The following MPO variants were observed in gnomAD, a reference collection of about 807,000 sequenced individuals.
MPO encodes the protein myeloperoxidase.
MPO carries 57 observed loss-of-function variants against 69.4 expected under a neutral mutation model. That is an observed-to-expected ratio of 0.82 (90% CI 0.66 to 1.02). The LOEUF is 1.02. Ranked by LOEUF, MPO falls within the 50% of genes least tolerant of loss-of-function variation. The probability of loss-of-function intolerance (pLI) is 0.00; values close to 1 mark genes in which losing one functional copy is unlikely to be tolerated. For synonymous variants in MPO, 426 were observed against 417.1 expected (o/e 1.02, Z -0.26); for missense variants, 971 against 1,014.1 (o/e 0.96, Z 0.58).
chr17:58,272,935 C>G lies in MPO; in HGVS notation c.1622-17G>C. 6.2e-7 allele frequency: 1 copy of G among 1,613,714 alleles called. No individual in the cohort carries two copies. Among genetic ancestry groups the G allele is most frequent in the Non-Finnish European group, 8.5e-7 (1 of 1,179,946 alleles). The stretch of plus-strand genomic sequence containing the variant: ...CAATGCCACCTGGGGACCAGAGGAG[C>G]CAGGTCAGGGGAAGTATCTGGCTCA... On this transcript the variant is annotated splice_polypyrimidine_tract_variant and intron_variant, in intron 9 of 11. Transcript: ENST00000225275.
chr17:58,271,690 G>A lies in MPO; in HGVS notation c.1995C>T (p.Ile665=), dbSNP rs141229223. 3.0e-5 allele frequency: 48 copies of A among 1,613,830 alleles called. 1 individual carries two copies. Among genetic ancestry groups the A allele is most frequent in the African/African-American group, 1.6e-4 (12 of 74,944 alleles). ...CCCGGAGCTTCCTGAACTGGGTACC[G>A]ATGATGCAGGCGAGGAGTGGGCCCA... is the stretch of plus-strand genomic sequence containing the variant. ...GRVGPLLACI[I]GTQFRKLRDG... The change falls in exon 11 of 12, where the codon ATC becomes ATT. Residue 665 remains isoleucine (I), a synonymous_variant. Transcript: ENST00000225275.
Position 58,279,156 on chromosome 17 carries a change from TG to T in MPO, c.736del (p.Gln246ArgfsTer188), listed in dbSNP as rs1421375324. On this transcript the variant is annotated frameshift_variant, in exon 6 of 12. Coordinates refer to ENST00000225275, the MANE Select transcript of MPO (RefSeq NM_000250.2). LOFTEE classifies it high-confidence loss of function. ...RFPTDQLTPDQERSLMFMQWG... is the reference protein window; with the variant it reads ...RFPTDQLTPDXERSLMFMQWG... ...TTGCATGAACATGAGTGAGCGCTCC[TG>T]GTCCGGAGTCAGCTGATCAGTGGGG... The T allele has an allele frequency of 6.2e-7, 1 of 1,612,298 alleles. No homozygotes were observed. The highest frequency in any genetic ancestry group is 2.2e-5 in the East Asian group (1 of 44,812).
chr17:58,272,362 C>A (rs1567826846), intron 10 of MPO, among the ~76,000 whole-genome samples: 1 of 152,188 alleles, frequency 6.6e-6, no homozygotes, highest in African/African-American at 2.4e-5. Context: ...GCTAGAGAAC[C>A]TGGCCAGGTT....
Position 58,275,078 on chromosome 17 carries a change from T to C in MPO, c.1365+464A>G, listed in dbSNP as rs2143972329. ...TGGGGTTTCACCGTGTTAGCCAGCA[T>C]GGTCTTGATCTCCTGACCTCGTGAT... On this transcript the variant is annotated intron_variant, in intron 8 of 11. Coordinates refer to ENST00000225275, the MANE Select transcript of MPO (RefSeq NM_000250.2). The surrounding 1 kb of genome is among the most constrained non-coding windows in gnomAD (Gnocchi z 4.1). Among the ~76,000 whole-genome samples, 1 of 152,164 alleles carries C rather than the reference T, an allele frequency of 6.6e-6. No homozygotes were observed. Among genetic ancestry groups the C allele is most frequent in the South Asian group, 2.1e-4 (1 of 4,824 alleles).
rs1178800362 is a variant in MPO, at chr17:58,270,481, G to A, written c.*175C>T. On this transcript the variant is annotated 3_prime_UTR_variant, in exon 12 of 12. Transcript: ENST00000225275. This position sits in a 1 kb window ranked among gnomAD's most constrained non-coding sequence, Gnocchi z 4.1. Reference sequence around the variant, plus strand: ...CCATGTTCAGACAACACACACGCATGAAAAGCCAATTTATATACTTCGCAC... The same window carrying A: ...CCATGTTCAGACAACACACACGCATAAAAAGCCAATTTATATACTTCGCAC... 3.0e-6 allele frequency: 2 copies of A among 674,070 alleles called. No individual in the cohort carries two copies. Among genetic ancestry groups the A allele is most frequent in the African/African-American group, 3.6e-5 (2 of 56,278 alleles). 41.8% of individuals were successfully genotyped at this position (674,070 alleles called of 1,614,324 possible).
intron 6 of MPO, 123 bp from the exon 7 acceptor site, chr17:58,278,268 C>T (rs1249821119): frequency 1.8e-6 from 2 of 1,129,956 alleles, no homozygotes; most frequent in African/African-American, 1.6e-5. Flanking sequence ...CCTCCGGAGG[C>T]CCGAAAGGGA....
chr17:58,271,217 C>T (rs939092987), intron 11 of MPO, among the ~76,000 whole-genome samples: 3 of 152,100 alleles, frequency 2.0e-5, no homozygotes, highest in East Asian at 1.9e-4. Context: ...GTTTATAATT[C>T]GCCCACCCAG....
Position 58,279,223 on chromosome 17 carries a change from C to T in MPO, c.679-9G>A. The stretch of plus-strand genomic sequence containing the variant: ...TTGGAGACCGCGCGAGCCTGCGGGA[C>T]ACGGAGATCAGCTGGCGCCTGGGTC... On this transcript the variant is annotated splice_polypyrimidine_tract_variant and intron_variant, in intron 5 of 11. Coordinates refer to ENST00000225275, the MANE Select transcript of MPO (RefSeq NM_000250.2). The T allele has an allele frequency of 6.3e-7, 1 of 1,594,816 alleles. No individual in the cohort carries two copies. Among genetic ancestry groups the T allele is most frequent in the Middle Eastern group, 1.7e-4 (1 of 6,006 alleles).
At position 58,270,923 on chromosome 17, in the gene MPO, G is replaced by A. The variant is rs1003265878; in HGVS notation, c.2031-60C>T. The A allele has an allele frequency of 2.5e-6, 4 of 1,576,660 alleles. No individual in the cohort carries two copies. Among genetic ancestry groups the A allele is most frequent in the Admixed American group, 1.7e-5 (1 of 59,704 alleles). On this transcript the variant is annotated intron_variant, in intron 11 of 11. Transcript: ENST00000225275. This position sits in a 1 kb window ranked among gnomAD's most constrained non-coding sequence, Gnocchi z 4.1. The stretch of plus-strand genomic sequence containing the variant: ...GGATATTCTGGGCTGGCAGGGCATC[G>A]ATGGGCTTGTGCTGCTCCCAGGATA...
At chr17:58,279,464 G>C (rs1163102880) in intron 4 of MPO, 38 bp from the exon 5 acceptor site, 1 of 1,611,820 alleles carries the variant, frequency 6.2e-7, no homozygotes, top group Non-Finnish European at 8.5e-7. Flanking sequence ...CGGGAGGCTT[G>C]TGGCGTCCGG....
At chr17:58,271,509 C>G (rs1970363844) in intron 11 of MPO, 146 bp downstream of exon 11, 1 of 832,746 alleles carries the variant, frequency 1.2e-6, no homozygotes, top group Admixed American at 2.0e-5. Context: ...AGGGGCACTC[C>G]AGGGCATCTG....
chr17:58,272,638 A>G (rs968278906), intron 10 of MPO, 110 bp downstream of exon 10: 3 of 1,304,824 alleles, frequency 2.3e-6, no homozygotes, highest in African/African-American at 2.9e-5. Flanking sequence ...AAGTGCCTCT[A>G]ATATGCTTTG....
Position 58,277,941 on chromosome 17 carries a change from C to T in MPO, c.1090G>A (p.Ala364Thr), listed in dbSNP as rs373801250. ...RNMSNQLGLL[A>T]VNQRFQDNGR... ...TTGTCTTGGAAGCGCTGGTTGACGG[C>T]CAGCAGCCCCAGCTGGTTGGACATG... is the stretch of plus-strand genomic sequence containing the variant. The change falls in exon 7 of 12, where the codon GCC becomes ACC. Residue 364 changes from alanine (A) to threonine (T), a missense_variant. Physicochemically the swap from Ala to Thr is moderately conservative, Grantham distance 58. Coordinates refer to ENST00000225275, the MANE Select transcript of MPO (RefSeq NM_000250.2). 6.8e-6 allele frequency: 11 copies of T among 1,612,996 alleles called. No homozygotes were observed. Among genetic ancestry groups the T allele is most frequent in the Non-Finnish European group, 9.3e-6 (11 of 1,180,042 alleles).
At position 58,279,162 on chromosome 17, in the gene MPO, G is replaced by A; in HGVS notation, c.731C>T (p.Pro244Leu). Residue 244 changes from proline to leucine, a missense_variant, in exon 6 of 12, where the codon CCG becomes CTG. Physicochemically the swap from Pro to Leu is moderately conservative, Grantham distance 98. Transcript: ENST00000225275. ...IVRFPTDQLT[P>L]DQERSLMFMQ... ...GAACATGAGTGAGCGCTCCTGGTCC[G>A]GAGTCAGCTGATCAGTGGGGAAGCG... The A allele has an allele frequency of 1.2e-6, 2 of 1,611,896 alleles. No individual in the cohort carries two copies. The highest frequency in any genetic ancestry group is 1.7e-6 in the Non-Finnish European group (2 of 1,179,088).
chr17:58,279,775 G>A lies in MPO; in HGVS notation c.424+64C>T, dbSNP rs528678354. ...GAAGTTGAGGGGATCACTGAGAGAC[G>A]GCTGGGGTCCCTAGGAGGAGTCACT... On this transcript the variant is annotated intron_variant, in intron 3 of 11. Transcript: ENST00000225275. The A allele has an allele frequency of 4.7e-5, 76 of 1,612,664 alleles. 1 individual carries two copies. The South Asian group carries it at 7.3e-4, about 15-fold the overall frequency.
In MPO at chr17:58,271,760, A is replaced by G; in HGVS notation, c.1925T>C (p.Ile642Thr). 6.2e-7 allele frequency: 1 copy of G among 1,614,058 alleles called. No individual in the cohort carries two copies. The highest frequency in any genetic ancestry group is 2.2e-5 in the East Asian group (1 of 44,884). Reference protein sequence around the residue: ...EQYGTPNNIDIWMGGVSEPLK... With the variant: ...EQYGTPNNIDTWMGGVSEPLK... ...AGGCTCGGACACGCCGCCCATCCAG[A>G]TGTCGATGTTGTTGGGCGTGCCATA... The change falls in exon 11 of 12, where the codon ATC becomes ACC. Residue 642 changes from isoleucine to threonine, a missense_variant. Transcript: ENST00000225275.
chr17:58,278,952 TTCCAGAAACAA>T, intron 6 of MPO, 45 bp downstream of exon 6: 1 of 1,544,182 alleles, frequency 6.5e-7, no homozygotes, highest in Non-Finnish European at 8.7e-7. Flanking sequence ...AGATGGCCCC[TTCCAGAAACAA>T]TCTCCCCTCT....
At chr17:58,274,357 T>C (rs1337366597) in intron 8 of MPO, 1 of 361,048 alleles carries the variant, frequency 2.8e-6, no homozygotes, top group Non-Finnish European at 5.7e-6. Context: ...AGTGTGTGTG[T>C]GTGTGTGTGT....
rs373629736 is a variant in MPO, at chr17:58,271,675, C to T, written c.2010G>A (p.Arg670=). ...LLACIIGTQF[R]KLRDGDRFWW... is the part of the protein sequence containing the mutation. ...CTCACCGATCACCATCCCGGAGCTT[C>T]CTGAACTGGGTACCGATGATGCAGG... is the stretch of plus-strand genomic sequence containing the variant. The change falls in exon 11 of 12, where the codon AGG becomes AGA. Residue 670 remains arginine (R), a synonymous_variant. Coordinates refer to ENST00000225275, the MANE Select transcript of MPO (RefSeq NM_000250.2). 1.9e-6 allele frequency: 3 copies of T among 1,613,948 alleles called. No individual in the cohort carries two copies. Among genetic ancestry groups the T allele is most frequent in the Non-Finnish European group, 2.5e-6 (3 of 1,180,046 alleles).
Sources: gnomAD v4.1 joint callset for allele counts (sites outside exome capture counted in the v4.1 genomes callset) on GRCh38, gnomAD v4.1.1 for gene constraint, Gnocchi (gnomAD v3.1) non-coding constraint, MANE v1.5 for transcripts, NCBI Gene and HGNC (gene_info 2026-07-23, HGNC 2026-07-21) for gene names.